RBFOX1: variants seen among roughly 807,000 people sequenced by gnomAD.
RBFOX1 encodes RNA binding fox-1 homolog 1.
RBFOX1 carries 8 observed loss-of-function variants against 57.7 expected under a neutral mutation model. The observed-to-expected ratio is 0.14, with a 90% CI of 0.08 to 0.25. The LOEUF (loss-of-function observed/expected upper bound fraction) is 0.25. Among genes scored for constraint, RBFOX1 ranks in the 10% least tolerant of loss-of-function variants. The pLI is 1.00. For synonymous variants in RBFOX1, 326 were observed against 222.4 expected (o/e 1.47, Z -4.15); for missense variants, 611 against 548.5 (o/e 1.11, Z -1.14).
chr16:6,774,128 G>A, intron 3 of RBFOX1: 2 of 515,756 alleles, frequency 3.9e-6, no homozygotes, highest in Non-Finnish European at 5.0e-6. Flanking sequence ...CCAAGTTATC[G>A]GAACAAAGAC....
At chr16:7,524,645 C>A (rs938334774) in intron 5 of RBFOX1, among the ~76,000 whole-genome samples, 2 of 152,214 alleles carry the variant, frequency 1.3e-5, no homozygotes, top group African/African-American at 2.4e-5. Context: ...AATGTGGGTG[C>A]CCCAGCTAGG....
chr16:5,856,819 G>T (rs2057083955), intron 3 of RBFOX1, among the ~76,000 whole-genome samples: 1 of 151,502 alleles, frequency 6.6e-6, no homozygotes, highest in Admixed American at 6.6e-5. Flanking sequence ...TGGCTTAAGG[G>T]AATGTTGTGG....
intron 3 of RBFOX1, among the ~76,000 whole-genome samples, chr16:5,720,759 G>T (rs1669836143): frequency 1.3e-5 from 2 of 152,114 alleles, no homozygotes; most frequent in South Asian, 2.1e-4. Flanking sequence ...ATTTATTTAT[G>T]GACTCTCAGT....
chr16:6,394,396 A>G (rs78932380), intron 2 of RBFOX1, among the ~76,000 whole-genome samples: 3,608 of 152,292 alleles, frequency 0.024, 138 homozygotes, highest in African/African-American at 0.08. Context: ...AAAGAGAACT[A>G]ACTGAACTGA....
intron 3 of RBFOX1, among the ~76,000 whole-genome samples, chr16:7,029,075 TATATATACACACACACAC>T (rs1434755143): frequency 6.5e-5 from 3 of 46,052 alleles, no homozygotes; most frequent in African/African-American, 4.7e-4. Context: ...TATATATATA[TATATATACACACACACAC>T]ACACACACAC....
intron 4 of RBFOX1, among the ~76,000 whole-genome samples, chr16:7,442,949 C>G (rs1035009085): frequency 3.3e-5 from 5 of 152,226 alleles, no homozygotes; most frequent in Admixed American, 3.3e-4. Context: ...TTGTGGAACT[C>G]AAGCCATATT....
At chr16:6,873,785 T>G (rs995433064) in intron 3 of RBFOX1, 1 of 152,176 alleles carries the variant, frequency 6.6e-6, no homozygotes, top group Non-Finnish European at 1.5e-5. Flanking sequence ...TTGCAGCAAC[T>G]CTGTGATCTT....
intron 4 of RBFOX1, among the ~76,000 whole-genome samples, chr16:7,167,484 G>T (rs2079809938): frequency 6.6e-6 from 1 of 152,104 alleles, no homozygotes; most frequent in Non-Finnish European, 1.5e-5. Flanking sequence ...AGCCAAGGAT[G>T]CCAGGACCAC....
intron 3 of RBFOX1, among the ~76,000 whole-genome samples, chr16:5,841,438 G>A (rs990339013): frequency 6.6e-6 from 1 of 152,086 alleles, no homozygotes; most frequent in Non-Finnish European, 1.5e-5. Context: ...GAGCAAGGGA[G>A]GGCCCAAGAG....
downstream of RBFOX1, among the ~76,000 whole-genome samples, chr16:5,600,580 A>G (rs1011175468): frequency 2.6e-5 from 4 of 151,802 alleles, no homozygotes; most frequent in East Asian, 3.9e-4. Context: ...TTTATGCACC[A>G]AGCTATACTG....
chr16:7,485,561 T>C (rs2065157328), intron 4 of RBFOX1, among the ~76,000 whole-genome samples: 2 of 152,182 alleles, frequency 1.3e-5, no homozygotes, highest in Non-Finnish European at 2.9e-5. Flanking sequence ...GAAGCAGTTC[T>C]CAACCCCCAG....
At chr16:6,484,234 G>T (rs1032038181) in intron 2 of RBFOX1, among the ~76,000 whole-genome samples, 4 of 152,188 alleles carry the variant, frequency 2.6e-5, no homozygotes, top group African/African-American at 9.7e-5. Context: ...TTTATGAAAT[G>T]AATGGCCAGA....
At chr16:7,653,996 C>T (rs1326531464) in intron 12 of RBFOX1, 49 bp downstream of exon 12, 4 of 1,443,888 alleles carry the variant, frequency 2.8e-6, no homozygotes, top group African/African-American at 2.9e-5. Flanking sequence ...AGCCCTCCCT[C>T]CCCAGAGGCA....
chr16:7,300,212 G>A (rs764460306), intron 4 of RBFOX1, among the ~76,000 whole-genome samples: 1 of 151,954 alleles, frequency 6.6e-6, no homozygotes, highest in Non-Finnish European at 1.5e-5. Context: ...CTTACTTTCT[G>A]CTGCCCCTCC....
At chr16:7,376,152 T>A (rs918948177) in intron 4 of RBFOX1, among the ~76,000 whole-genome samples, 11 of 152,226 alleles carry the variant, frequency 7.2e-5, no homozygotes, top group Non-Finnish European at 1.5e-4. Context: ...CAAGGGATGA[T>A]TGCATTTTTG....
chr16:7,345,001 G>A (rs1250789655), intron 4 of RBFOX1, among the ~76,000 whole-genome samples: 2 of 151,240 alleles, frequency 1.3e-5, no homozygotes, highest in Non-Finnish European at 2.9e-5. Flanking sequence ...CTGGCTCCTC[G>A]TGGAGAAGAT....
At chr16:5,963,127 C>T (rs898147215) in intron 4 of RBFOX1, among the ~76,000 whole-genome samples, 4 of 152,122 alleles carry the variant, frequency 2.6e-5, no homozygotes, top group Non-Finnish European at 5.9e-5. Flanking sequence ...TTTAAAAAGA[C>T]TCATGAAAAT....
intron 1 of RBFOX1, among the ~76,000 whole-genome samples, chr16:6,066,423 A>G (rs1289488851): frequency 6.6e-6 from 1 of 151,984 alleles, no homozygotes; most frequent in Non-Finnish European, 1.5e-5. Context: ...TTGAAAATGT[A>G]GACATCAGAA....
At position 6,795,257 on chromosome 16, in the gene RBFOX1, A is replaced by C. The variant is rs111764785; in HGVS notation, c.-16+140607A>C. 8.9e-3 allele frequency among the ~76,000 whole-genome samples: 1,351 copies of C among 152,188 alleles called. 27 individuals carry two copies. The highest frequency in any genetic ancestry group is 0.031 in the African/African-American group (1,275 of 41,514). On this transcript the variant is annotated intron_variant, in intron 3 of 15. Transcript: ENST00000550418. ...AACCACCTAAATTTTTTAATTGTACACAGTCAAGTCACCTTGATAGAAGGG... is the reference window on the plus strand; with the variant it reads ...AACCACCTAAATTTTTTAATTGTACCCAGTCAAGTCACCTTGATAGAAGGG...
Sources: allele counts gnomAD v4.1 joint callset (sites outside exome capture counted in the v4.1 genomes callset), GRCh38; gene constraint gnomAD v4.1.1; transcripts MANE v1.5; gene names NCBI Gene and HGNC (gene_info 2026-07-23, HGNC 2026-07-21).